PCNX2: variants seen among roughly 807,000 people sequenced by gnomAD.
PCNX2 encodes pecanex-like protein 2.
PCNX2 carries 168 observed loss-of-function variants against 223.8 expected under a neutral mutation model. The ratio of observed to expected loss-of-function variants is 0.75; its 90% confidence interval spans 0.66 to 0.85. The LOEUF is 0.85. Among genes scored for constraint, PCNX2 ranks in the 40% least tolerant of loss-of-function variants. PCNX2 has a pLI of 0.00. For synonymous variants in PCNX2, 1,006 were observed against 1,052.6 expected, an observed-to-expected ratio of 0.96 and a Z score of 0.86; for missense variants, 2,507 against 2,675.5, an observed-to-expected ratio of 0.94 and a Z score of 1.39.
intron 25 of PCNX2, among the ~76,000 whole-genome samples, chr1:233,038,756 A>C (rs1234707259): frequency 6.6e-6 from 1 of 152,230 alleles, no homozygotes; most frequent in African/African-American, 2.4e-5. Flanking sequence ...CTCTGCATGG[A>C]TTAGCCAGCT....
chr1:233,010,279 G>C (rs1381334049), intron 28 of PCNX2, among the ~76,000 whole-genome samples: 1 of 152,202 alleles, frequency 6.6e-6, no homozygotes, highest in Non-Finnish European at 1.5e-5. Flanking sequence ...ATGGTAGATG[G>C]AGTGACCTCA....
At chr1:233,318,563 C>CTTTTTTTTTTTTTTTT in the PCNX2 span, among the ~76,000 whole-genome samples, 7 of 92,506 alleles carry the variant, frequency 7.6e-5, no homozygotes, top group East Asian at 2.9e-4. Flanking sequence ...TTTTCTTTTT[C>CTTTTTTTTTTTTTTTT]TTTTTTTTTT....
the PCNX2 span, among the ~76,000 whole-genome samples, chr1:233,309,625 C>G: frequency 6.6e-6 from 1 of 151,624 alleles, no homozygotes; most frequent in Non-Finnish European, 1.5e-5. Flanking sequence ...TGCCTGTAAT[C>G]CTGGCACTTT....
chr1:233,056,616 A>G (rs1399059492), intron 24 of PCNX2, among the ~76,000 whole-genome samples: 5 of 152,252 alleles, frequency 3.3e-5, no homozygotes, highest in Non-Finnish European at 7.3e-5. Flanking sequence ...ATGCAATTCA[A>G]ATATAGATAA....
At chr1:233,287,980 T>TA (rs1242968018) in intron 1 of PCNX2, among the ~76,000 whole-genome samples, 1 of 152,184 alleles carries the variant, frequency 6.6e-6, no homozygotes, top group Non-Finnish European at 1.5e-5. Flanking sequence ...CCTATTCCAA[T>TA]AATAGTAACA....
intron 21 of PCNX2, among the ~76,000 whole-genome samples, chr1:233,099,082 G>T (rs1196179471): frequency 1.3e-5 from 2 of 152,212 alleles, no homozygotes; most frequent in Non-Finnish European, 2.9e-5. Context: ...AGATTAAGTG[G>T]ATTGCTTAGG....
At chr1:233,168,476 A>C (rs1678933998) in intron 17 of PCNX2, among the ~76,000 whole-genome samples, 1 of 152,104 alleles carries the variant, frequency 6.6e-6, no homozygotes, top group Admixed American at 6.5e-5. Context: ...ATAATTGTAT[A>C]GGCTCACTAA....
At chr1:233,090,233 T>TA (rs748105510) in intron 22 of PCNX2, 43 bp from the exon 23 acceptor site, 3 of 1,587,754 alleles carry the variant, frequency 1.9e-6, no homozygotes, top group Admixed American at 1.9e-5. Context: ...TTATGATTCT[T>TA]AGATTTTTAA....
intron 17 of PCNX2, among the ~76,000 whole-genome samples, chr1:233,161,927 G>A (rs1281865214): frequency 1.3e-5 from 2 of 149,304 alleles, no homozygotes; most frequent in African/African-American, 4.9e-5. Context: ...TCAGATCACT[G>A]GTGAATTAAA....
At chr1:232,995,718 C>T (rs571919555) in intron 32 of PCNX2, among the ~76,000 whole-genome samples, 21 of 152,300 alleles carry the variant, frequency 1.4e-4, no homozygotes, top group African/African-American at 4.8e-4. Context: ...CTGACATCTT[C>T]CACAAACGGG....
intron 1 of PCNX2, among the ~76,000 whole-genome samples, chr1:233,281,404 T>C (rs1254233456): frequency 6.6e-6 from 1 of 152,184 alleles, no homozygotes; most frequent in Non-Finnish European, 1.5e-5. Context: ...GTAAATCCAA[T>C]CTAAATGTTT....
Position 232,999,182 on chromosome 1 carries a change from G to C in PCNX2, c.5526C>G (p.His1842Gln). Reference sequence around the variant, plus strand: ...CACCCCAGATGTTCTTCAGCTGCCTGTGTGTCCCTAGGTAGGATGTGGTTA... The same window carrying C: ...CACCCCAGATGTTCTTCAGCTGCCTCTGTGTCCCTAGGTAGGATGTGGTTA... ...SPLTTSYLGT[H>Q]RQLKNIWGGP... Residue 1842 changes from histidine to glutamine, a missense_variant, in exon 31 of 34, where the codon CAC becomes CAG. By Grantham distance (24) the His-to-Gln change is conservative (BLOSUM62 0). Around this residue, in one of 3 missense-constraint regions of PCNX2, gnomAD observed 1,372 missense variants for 1,509.4 expected, o/e 0.91. Transcript: ENST00000258229. 1 of 1,613,942 alleles carries C rather than the reference G, an allele frequency of 6.2e-7. No individual in the cohort carries two copies.
At chr1:233,220,522 T>C (rs1303437531) in intron 10 of PCNX2, among the ~76,000 whole-genome samples, 1 of 152,138 alleles carries the variant, frequency 6.6e-6, no homozygotes, top group Non-Finnish European at 1.5e-5. Flanking sequence ...TAATTTGCAG[T>C]TCCCTAAGGA....
At chr1:233,191,923 G>A (rs1050564279) in intron 15 of PCNX2, among the ~76,000 whole-genome samples, 1 of 152,176 alleles carries the variant, frequency 6.6e-6, no homozygotes, top group African/African-American at 2.4e-5. Context: ...GATAACCACT[G>A]TCCCAGGCAT....
intron 23 of PCNX2, among the ~76,000 whole-genome samples, chr1:233,075,387 G>A (rs1021912562): frequency 6.6e-6 from 1 of 152,104 alleles, no homozygotes; most frequent in African/African-American, 2.4e-5. Context: ...TTATAAAGAT[G>A]GAGAACAGAT....
intron 15 of PCNX2, among the ~76,000 whole-genome samples, chr1:233,198,073 C>T (rs917753173): frequency 3.3e-5 from 5 of 151,386 alleles, no homozygotes; most frequent in African/African-American, 1.2e-4. Context: ...ACACTGAAAA[C>T]AAACAGTAGT....
intron 21 of PCNX2, among the ~76,000 whole-genome samples, chr1:233,115,012 C>T (rs772752117): frequency 3.9e-5 from 6 of 152,084 alleles, no homozygotes. Flanking sequence ...CAGAGCACAG[C>T]ACTGCACAGG....
intron 21 of PCNX2, among the ~76,000 whole-genome samples, chr1:233,109,791 T>C (rs1227075781): frequency 6.6e-6 from 1 of 152,148 alleles, no homozygotes; most frequent in African/African-American, 2.4e-5. Context: ...AGCCAATAAA[T>C]TTCCAAAATG....
At chr1:233,075,550 A>C (rs1673051884) in intron 23 of PCNX2, among the ~76,000 whole-genome samples, 1 of 152,104 alleles carries the variant, frequency 6.6e-6, no homozygotes, top group Admixed American at 6.5e-5. Flanking sequence ...TTGGATAGAA[A>C]TCTTCTGTAT....
Sources: allele counts gnomAD v4.1 joint callset (sites outside exome capture counted in the v4.1 genomes callset), GRCh38; gene constraint gnomAD v4.1.1; regional missense constraint gnomAD v4.1.1; transcripts MANE v1.5; gene names NCBI Gene and HGNC (gene_info 2026-07-23, HGNC 2026-07-21).